SORCS3: variants seen among roughly 807,000 people sequenced by gnomAD.
SORCS3 encodes sortilin related VPS10 domain containing receptor 3, also known as VPS10 domain-containing receptor SorCS3.
A neutral mutation model predicts 146.3 loss-of-function variants in SORCS3; 57 were observed. The observed-to-expected ratio is 0.39, with a 90% confidence interval of 0.31 to 0.49. SORCS3 has a LOEUF of 0.49. Among genes scored for constraint, SORCS3 ranks in the 20% least tolerant of loss-of-function variants. The pLI, the probability that SORCS3 is intolerant of heterozygous loss-of-function variation, is 0.92. For synonymous variants in SORCS3, 653 were observed against 618.5 expected (o/e 1.06, Z -0.83); for missense variants, 1,341 against 1,575.5 (o/e 0.85, Z 2.52).
rs539376296 is a variant in SORCS3, at chr10:104,702,849, G to A, written c.627+60895G>A. Reference sequence around the variant, plus strand: ...TCACTGAGTCTGGTTTCAACTATACGAATATCTAGCTTGCTCATTCCACAG... The same window carrying A: ...TCACTGAGTCTGGTTTCAACTATACAAATATCTAGCTTGCTCATTCCACAG... On this transcript the variant is annotated intron_variant, in intron 1 of 26. Transcript: ENST00000369701. Among the ~76,000 whole-genome samples the A allele has an allele frequency of 9.2e-5, 14 of 152,252 alleles. 1 individual carries two copies. The highest frequency in any genetic ancestry group is 2.9e-4 in the African/African-American group (12 of 41,548).
At chr10:105,135,904 A>G (rs2056055882) in intron 7 of SORCS3, among the ~76,000 whole-genome samples, 1 of 152,210 alleles carries the variant, frequency 6.6e-6, no homozygotes, top group Non-Finnish European at 1.5e-5. Flanking sequence ...AGTAATTTCT[A>G]AGGATACTTA....
intron 1 of SORCS3, among the ~76,000 whole-genome samples, chr10:104,835,862 T>G (rs1008604783): frequency 1.1e-4 from 16 of 152,242 alleles, no homozygotes; most frequent in Admixed American, 8.5e-4. Flanking sequence ...GTACAGCTTA[T>G]AAAGCAAGCT....
chr10:104,882,566 G>A (rs755419170), intron 2 of SORCS3, among the ~76,000 whole-genome samples: 4 of 152,144 alleles, frequency 2.6e-5, no homozygotes, highest in Non-Finnish European at 4.4e-5. Flanking sequence ...CATTTTACAA[G>A]TGAAGAACCT....
intron 4 of SORCS3, among the ~76,000 whole-genome samples, chr10:105,041,089 T>TTA (rs1033995075): frequency 2.6e-4 from 36 of 137,976 alleles, no homozygotes; most frequent in South Asian, 4.3e-4. Flanking sequence ...GTATATATAT[T>TTA]TATATATATA....
At chr10:104,969,819 T>A (rs926068304) in intron 3 of SORCS3, among the ~76,000 whole-genome samples, 1 of 151,956 alleles carries the variant, frequency 6.6e-6, no homozygotes, top group African/African-American at 2.4e-5. Flanking sequence ...TGGATTAATG[T>A]GCATTTGGGT....
rs2133483849 is a variant in SORCS3 at position 104,771,468 on chromosome 10, C to A, written c.628-71324C>A. ...ATCCCTGGGCAGAAGATGTGCCCAT[C>A]ACAGTGTAATGAATTCTAATTTGAA... On this transcript the variant is annotated intron_variant, in intron 1 of 26. Coordinates refer to ENST00000369701, the MANE Select transcript of SORCS3 (RefSeq NM_014978.3). 2.0e-5 allele frequency among the ~76,000 whole-genome samples: 3 copies of A among 152,276 alleles called. No individual in the cohort carries two copies. In the South Asian group the frequency reaches 6.2e-4, roughly 32 times the overall value.
chr10:104,889,618 G>C (rs1427284141), intron 2 of SORCS3, among the ~76,000 whole-genome samples: 3 of 151,984 alleles, frequency 2.0e-5, no homozygotes, highest in Non-Finnish European at 2.9e-5. Flanking sequence ...AAAGGCACAA[G>C]AACCCTAAAA....
chr10:105,146,855 A>G (rs965865439), intron 8 of SORCS3, among the ~76,000 whole-genome samples: 6 of 152,148 alleles, frequency 3.9e-5, no homozygotes, highest in Admixed American at 3.9e-4. Context: ...TAGTCCCCAA[A>G]GAAATCCAAC....
chr10:104,848,605 A>C (rs1263181285), intron 2 of SORCS3, among the ~76,000 whole-genome samples: 1 of 152,178 alleles, frequency 6.6e-6, no homozygotes, highest in East Asian at 1.9e-4. Flanking sequence ...CCCATTCGCT[A>C]GGCTCTTTAT....
At chr10:105,032,606 G>T (rs1042836125) in intron 4 of SORCS3, among the ~76,000 whole-genome samples, 21 of 152,258 alleles carry the variant, frequency 1.4e-4, no homozygotes, top group African/African-American at 4.8e-4. Context: ...ATTTCATGTG[G>T]TAGGAATAGC....
intron 8 of SORCS3, among the ~76,000 whole-genome samples, chr10:105,147,116 G>T (rs962855036): frequency 2.6e-5 from 4 of 152,102 alleles, no homozygotes; most frequent in South Asian, 2.1e-4. Context: ...GATTGAAACA[G>T]GATTGCAGGT....
intron 1 of SORCS3, among the ~76,000 whole-genome samples, chr10:104,692,949 G>A (rs886846094): frequency 1.3e-5 from 2 of 152,122 alleles, no homozygotes; most frequent in Non-Finnish European, 2.9e-5. Context: ...AGCAGTCCTG[G>A]GAATCTGCAT....
At chr10:105,151,068 A>T (rs1323304396) in intron 9 of SORCS3, among the ~76,000 whole-genome samples, 1 of 152,216 alleles carries the variant, frequency 6.6e-6, no homozygotes, top group East Asian at 1.9e-4. Context: ...TACTGGAATG[A>T]TACAAGTGAC....
chr10:104,777,947 G>A (rs909497751), intron 1 of SORCS3, among the ~76,000 whole-genome samples: 2 of 152,160 alleles, frequency 1.3e-5, no homozygotes, highest in African/African-American at 4.8e-5. Flanking sequence ...GAGTGAAATG[G>A]TGGTTACCAG....
chr10:104,854,713 C>T (rs146679052), intron 2 of SORCS3, among the ~76,000 whole-genome samples: 48 of 152,254 alleles, frequency 3.2e-4, no homozygotes, highest in African/African-American at 1.2e-3. Context: ...ACCTACCTCC[C>T]TCACCCAAAA....
chr10:105,002,278 T>G (rs2133673749), intron 4 of SORCS3, among the ~76,000 whole-genome samples: 1 of 152,272 alleles, frequency 6.6e-6, no homozygotes, highest in East Asian at 1.9e-4. Flanking sequence ...TATGAAGCCG[T>G]TTCTCAACCT....
intron 1 of SORCS3, among the ~76,000 whole-genome samples, chr10:104,738,243 G>A (rs1481882833): frequency 2.6e-5 from 4 of 152,164 alleles, no homozygotes; most frequent in Non-Finnish European, 5.9e-5. Flanking sequence ...TTGGTGATGC[G>A]GGCTCTTTTT....
intron 3 of SORCS3, among the ~76,000 whole-genome samples, chr10:104,931,902 T>C (rs2019212231): frequency 6.6e-6 from 1 of 152,154 alleles, no homozygotes; most frequent in Admixed American, 6.5e-5. Context: ...GGCCTGAACC[T>C]CAAGTCTTAA....
chr10:104,731,020 G>A (rs546529968), intron 1 of SORCS3, among the ~76,000 whole-genome samples: 16 of 152,334 alleles, frequency 1.1e-4, no homozygotes, highest in Non-Finnish European at 1.9e-4. Flanking sequence ...GGCCAAGGTT[G>A]AATTGGATGC....
Sources: allele counts gnomAD v4.1 joint callset (sites outside exome capture counted in the v4.1 genomes callset), GRCh38; gene constraint gnomAD v4.1.1; transcripts MANE v1.5; gene names NCBI Gene and HGNC (gene_info 2026-07-23, HGNC 2026-07-21).